Variants in TFCP2 observed in about 807,000 individuals in gnomAD.
The protein encoded by TFCP2 is alpha-globin transcription factor CP2.
In TFCP2, 33 loss-of-function variants were observed where a neutral mutation model predicts 73.4. The observed-to-expected ratio is 0.45, with a 90% CI of 0.34 to 0.60. The LOEUF is 0.60. TFCP2 is among the 20% of genes least tolerant of loss of function. TFCP2 has a pLI of 0.01. For synonymous variants in TFCP2, 193 were observed against 211.6 expected (o/e 0.91, Z 0.76); for missense variants, 352 against 604.0 (o/e 0.58, Z 4.37).
At chr12:51,109,355 G>A in intron 5 of TFCP2, 82 bp from the exon 6 acceptor site, 4 of 1,454,756 alleles carry the variant, frequency 2.7e-6, no homozygotes, top group Non-Finnish European at 2.8e-6. Context: ...ACTATTAACA[G>A]CAAAACCTTT....
At chr12:51,140,824 G>A (rs1032142299) in intron 1 of TFCP2, among the ~76,000 whole-genome samples, 22 of 151,910 alleles carry the variant, frequency 1.4e-4, no homozygotes, top group African/African-American at 5.3e-4. Flanking sequence ...GGGAGGCCAA[G>A]GCAGGTGAAT....
chr12:51,114,665 A>G (rs1940478160), intron 4 of TFCP2, among the ~76,000 whole-genome samples: 1 of 152,106 alleles, frequency 6.6e-6, no homozygotes, highest in East Asian at 1.9e-4. Flanking sequence ...AATGGCCAAT[A>G]AGCACATGCA....
intron 6 of TFCP2, among the ~76,000 whole-genome samples, chr12:51,107,852 C>T (rs1001557395): frequency 2.0e-5 from 3 of 151,980 alleles, no homozygotes; most frequent in African/African-American, 7.2e-5. Flanking sequence ...GATCCGCCCA[C>T]CTCGGCCTCC....
intron 1 of TFCP2, among the ~76,000 whole-genome samples, chr12:51,156,025 G>A (rs982522957): frequency 1.4e-5 from 2 of 147,844 alleles, no homozygotes; most frequent in Admixed American, 7.2e-5. Context: ...CTCAGTGATA[G>A]AGTGAGACTC....
intron 1 of TFCP2, among the ~76,000 whole-genome samples, chr12:51,157,211 G>A (rs569195441): frequency 4.6e-5 from 7 of 151,854 alleles, no homozygotes; most frequent in Non-Finnish European, 7.4e-5. Flanking sequence ...TAGTGGAGAC[G>A]GGGTTTCACT....
chr12:51,145,383 GAAA>G (rs1325350343), intron 1 of TFCP2, among the ~76,000 whole-genome samples: 1 of 124,528 alleles, frequency 8.0e-6, no homozygotes, highest in Non-Finnish European at 1.7e-5. Flanking sequence ...CTCTGTCTCA[GAAA>G]AAAAAAAAAA....
intron 4 of TFCP2, among the ~76,000 whole-genome samples, chr12:51,114,715 C>T (rs1421147511): frequency 6.6e-6 from 1 of 151,982 alleles, no homozygotes; most frequent in Non-Finnish European, 1.5e-5. Context: ...AAATGCAAAT[C>T]AAAACCACAA....
At chr12:51,110,758 T>C (rs1005685466) in intron 5 of TFCP2, 119 bp downstream of exon 5, 5 of 722,792 alleles carry the variant, frequency 6.9e-6, no homozygotes, top group Non-Finnish European at 1.2e-5. Context: ...AGCCTGGGCT[T>C]GACAGTCAGG....
At chr12:51,108,941 C>T (rs116962528) in intron 6 of TFCP2, among the ~76,000 whole-genome samples, 180 bp downstream of exon 6, 1,578 of 152,268 alleles carry the variant, frequency 0.01, 15 homozygotes, top group Middle Eastern at 0.02. Context: ...TATTATCCTA[C>T]GACCATGTAA....
chr12:51,145,856 G>A (rs1172797617), intron 1 of TFCP2, among the ~76,000 whole-genome samples: 2 of 151,124 alleles, frequency 1.3e-5, no homozygotes, highest in African/African-American at 4.9e-5. Context: ...ACAGGCAGAG[G>A]CAGGAGGATC....
chr12:51,137,986 T>C lies in TFCP2; in HGVS notation c.123-19214A>G, dbSNP rs201001910. On this transcript the variant is annotated intron_variant, in intron 1 of 14. Transcript: ENST00000257915. ...AAGCATCACTATTACCTCTCTATAC[T>C]TGAGAGTTCTTATGTCTTGCTCATC... Among the ~76,000 whole-genome samples, 4 of 152,312 alleles carry C rather than the reference T, an allele frequency of 2.6e-5. No individual in the cohort carries two copies. The East Asian group carries it at 7.7e-4, about 29-fold the overall frequency.
chr12:51,140,583 G>A (rs575369532), intron 1 of TFCP2, among the ~76,000 whole-genome samples: 9 of 148,388 alleles, frequency 6.1e-5, no homozygotes, highest in South Asian at 2.2e-4. Flanking sequence ...ACTGCACCTC[G>A]GCCCTCCCTT....
At position 51,095,189 on chromosome 12, in the gene TFCP2, C is replaced by G. The variant is rs565046141; in HGVS notation, c.*52G>C. 13 of 1,593,782 alleles carry G rather than the reference C, an allele frequency of 8.2e-6. No homozygotes were observed. Among genetic ancestry groups the G allele is most frequent in the Non-Finnish European group, 1.1e-5 (13 of 1,161,572 alleles). ...CATTCATATCCCCCTTCAAGAGGGC[C>G]GTTTTCAGAGGTGAAGGAAGGAGCA... On this transcript the variant is annotated 3_prime_UTR_variant, in exon 15 of 15. Coordinates refer to ENST00000257915, the MANE Select transcript of TFCP2 (RefSeq NM_005653.5).
Position 51,172,457 on chromosome 12 carries a change from C to T in TFCP2, c.-35G>A, listed in dbSNP as rs1156244636. ...TTCCTTGCCCCAGGAGACACCGTGT[C>T]TTGTACAAAGGCGCGGAGGGTAATT... On this transcript the variant is annotated 5_prime_UTR_variant, in exon 1 of 15. Coordinates refer to ENST00000257915, the MANE Select transcript of TFCP2 (RefSeq NM_005653.5). 1.9e-6 allele frequency: 3 copies of T among 1,612,664 alleles called. No homozygotes were observed. The highest frequency in any genetic ancestry group is 2.2e-5 in the South Asian group (2 of 90,966).
At chr12:51,140,445 CTTTTTTT>C (rs768526922) in intron 1 of TFCP2, among the ~76,000 whole-genome samples, 11 of 88,028 alleles carry the variant, frequency 1.2e-4, no homozygotes, top group East Asian at 7.3e-4. Flanking sequence ...TTTTCTTTTT[CTTTTTTT>C]TTTTTTTTTT....
intron 1 of TFCP2, among the ~76,000 whole-genome samples, chr12:51,123,974 C>A (rs563396020): frequency 6.6e-6 from 1 of 152,212 alleles, no homozygotes; most frequent in African/African-American, 2.4e-5. Flanking sequence ...AGAGAGGACA[C>A]CTAATTTCCC....
chr12:51,099,719 C>T lies in TFCP2; in HGVS notation c.1212G>A (p.Gln404=), dbSNP rs1438561996. 1.2e-6 allele frequency: 2 copies of T among 1,614,166 alleles called. No individual in the cohort carries two copies. The highest frequency in any genetic ancestry group is 2.2e-5 in the South Asian group (2 of 91,082). Residue 404 remains glutamine, a synonymous_variant, in exon 12 of 15, where the codon CAG becomes CAA. Coordinates refer to ENST00000257915, the MANE Select transcript of TFCP2 (RefSeq NM_005653.5). ...GCTGCTGTTGCTGCTGCTGTTGTTG[C>T]TGCTCCCTCAACTGCAGTGATTCCT... ...VCQESLQLRE[Q]QQQQQQQQQK... is the part of the protein sequence containing the mutation.
intron 1 of TFCP2, among the ~76,000 whole-genome samples, chr12:51,132,286 G>A (rs1357219045): frequency 2.0e-5 from 3 of 148,458 alleles, no homozygotes; most frequent in Non-Finnish European, 4.5e-5. Context: ...CTGGATCTGG[G>A]CTGGTAACTT....
chr12:51,116,531 T>A (rs765987853), intron 3 of TFCP2, 111 bp from the exon 4 acceptor site: 10 of 499,930 alleles, frequency 2.0e-5, no homozygotes, highest in Non-Finnish European at 3.2e-5. Context: ...CAATCTAAAA[T>A]TATTTTTCTT....
Sources: allele counts gnomAD v4.1 joint callset (sites outside exome capture counted in the v4.1 genomes callset), GRCh38; gene constraint gnomAD v4.1.1; transcripts MANE v1.5; gene names NCBI Gene and HGNC (gene_info 2026-07-23, HGNC 2026-07-21).